TEX14: variants seen among roughly 807,000 people sequenced by gnomAD.
TEX14 encodes the protein inactive serine/threonine-protein kinase TEX14.
In TEX14, 168 loss-of-function variants were observed where a neutral mutation model predicts 178.6. The ratio of observed to expected loss-of-function variants is 0.94; its 90% CI spans 0.83 to 1.07. The LOEUF (loss-of-function observed/expected upper bound fraction) is 1.07. Ranked by LOEUF, TEX14 falls within the 50% of genes least tolerant of loss-of-function variation. TEX14 has a pLI of 0.00. For missense variants in TEX14, 1,730 were observed against 1,753.6 expected (o/e 0.99, Z 0.24); for synonymous variants, 626 against 634.1 (o/e 0.99, Z 0.19).
chr17:58,642,874 T>C (rs2046607477), intron 2 of TEX14, among the ~76,000 whole-genome samples: 3 of 152,174 alleles, frequency 2.0e-5, no homozygotes, highest in African/African-American at 7.2e-5. Flanking sequence ...ATGTCACCTC[T>C]TCTTGAAGCC....
chr17:58,655,184 T>C, intron 1 of TEX14, among the ~76,000 whole-genome samples: 1 of 151,672 alleles, frequency 6.6e-6, no homozygotes, highest in South Asian at 2.1e-4. Context: ...AGCTAATTTT[T>C]TCTTTTTTTT....
In TEX14 at chr17:58,690,996, G is replaced by A. The variant is rs3760177; in HGVS notation, c.-2+943C>T. Among the ~76,000 whole-genome samples the A allele has an allele frequency of 3.9e-4, 59 of 152,124 alleles. 1 individual carries two copies. The East Asian group carries it at 0.011, about 29-fold the overall frequency. Reference sequence around the variant, plus strand: ...AGACTTCTGAGTAGCTGGGACGACCGGTGCATGCCACCATGCCCGGCTAAT... The same window carrying A: ...AGACTTCTGAGTAGCTGGGACGACCAGTGCATGCCACCATGCCCGGCTAAT... On this transcript the variant is annotated intron_variant, in intron 1 of 31. Transcript: ENST00000349033.
Position 58,613,562 on chromosome 17 carries a change from C to T in TEX14, c.882-18G>A. The T allele has an allele frequency of 4.3e-6, 7 of 1,613,306 alleles. No homozygotes were observed. Among genetic ancestry groups the T allele is most frequent in the African/African-American group, 1.3e-5 (1 of 74,990 alleles). Reference sequence around the variant, plus strand: ...GCAGCTTGCTGCAAAAGAAAAGAAGCTTCAGATAAGGCAGGTGAGAGGAGG... The same window carrying T: ...GCAGCTTGCTGCAAAAGAAAAGAAGTTTCAGATAAGGCAGGTGAGAGGAGG... On this transcript the variant is annotated intron_variant, in intron 8 of 31. Transcript: ENST00000349033.
At chr17:58,677,970 T>C (rs915865867) in intron 1 of TEX14, among the ~76,000 whole-genome samples, 15 of 152,114 alleles carry the variant, frequency 9.9e-5, no homozygotes, top group Admixed American at 8.5e-4. Flanking sequence ...GCCAACATGG[T>C]GAAACCCCAT....
At chr17:58,677,039 A>T (rs1170444413) in intron 1 of TEX14, among the ~76,000 whole-genome samples, 1 of 150,658 alleles carries the variant, frequency 6.6e-6, no homozygotes, top group Non-Finnish European at 1.5e-5. Context: ...GAATCGCTTG[A>T]ACTCAGGAGG....
At chr17:58,561,017 C>T (rs1216022736) in intron 29 of TEX14, among the ~76,000 whole-genome samples, 1 of 152,112 alleles carries the variant, frequency 6.6e-6, no homozygotes, top group African/African-American at 2.4e-5. Context: ...TACTTCTTGC[C>T]CTCAGTAAAA....
rs538828274 is a variant in TEX14 at position 58,557,043 on chromosome 17, T to C, written c.4324A>G (p.Ile1442Val). Reference protein sequence around the residue: ...RLGWSESSRIIVLDQSDLSD With the variant: ...RLGWSESSRIVVLDQSDLSD ...GACAAGTCACTCTGATCCAGCACGA[T>C]TATCCTATGCACATGTTTTTTAAAG... The change falls in exon 32 of 32, where the codon ATC becomes GTC. Residue 1442 changes from isoleucine (I) to valine (V), a missense_variant. Coordinates refer to ENST00000349033, the MANE Select transcript of TEX14 (RefSeq NM_031272.5). The C allele has an allele frequency of 6.2e-6, 10 of 1,613,860 alleles. No homozygotes were observed. In the South Asian group the frequency reaches 9.9e-5, roughly 16 times the overall value.
Position 58,622,870 on chromosome 17 carries a change from C to T in TEX14, c.394G>A (p.Ala132Thr), listed in dbSNP as rs1162374660. ...GQNPKTWALT[A>T]GKERSTQIVE... ...ACCTGGGTGCTACGCTCCTTTCCTG[C>T]TGTCAAAGCCCAAGTCTTCGGGTTT... is the stretch of plus-strand genomic sequence containing the variant. Residue 132 changes from alanine (A) to threonine (T), a missense_variant, in exon 4 of 32, where the codon GCA (alanine) becomes ACA (threonine). By Grantham distance (58) the Ala-to-Thr change is moderately conservative. Coordinates refer to ENST00000349033, the MANE Select transcript of TEX14 (RefSeq NM_031272.5). 4 of 1,610,578 alleles carry T rather than the reference C, an allele frequency of 2.5e-6. No homozygotes were observed. Among genetic ancestry groups the T allele is most frequent in the Non-Finnish European group, 3.4e-6 (4 of 1,177,406 alleles).
chr17:58,653,325 G>A lies in TEX14; in HGVS notation c.-1-1323C>T, dbSNP rs117536955. 1.8e-3 allele frequency among the ~76,000 whole-genome samples: 270 copies of A among 152,284 alleles called. 3 individuals carry two copies. The South Asian group carries it at 0.018, about 10-fold the overall frequency. On this transcript the variant is annotated intron_variant, in intron 1 of 31. Transcript: ENST00000349033. ...CACTGTAGTTGTTAGCTGTTACTGT[G>A]CATAAGAACTATGCAGAGAAATTTT... is the stretch of plus-strand genomic sequence containing the variant.
At chr17:58,660,513 G>A (rs1388883135) in intron 1 of TEX14, 4 of 718,142 alleles carry the variant, frequency 5.6e-6, no homozygotes, top group Non-Finnish European at 1.0e-5. Flanking sequence ...GGGAGGGGAA[G>A]GCTGCATGGT....
At chr17:58,600,295 G>A (rs988510464) in intron 13 of TEX14, among the ~76,000 whole-genome samples, 3 of 152,084 alleles carry the variant, frequency 2.0e-5, no homozygotes, top group South Asian at 2.1e-4. Flanking sequence ...AGGCCAGGGC[G>A]GGTGGATCAC....
chr17:58,663,484 T>A (rs1041445375), intron 1 of TEX14, among the ~76,000 whole-genome samples: 2 of 151,566 alleles, frequency 1.3e-5, no homozygotes, highest in African/African-American at 4.8e-5. Context: ...TTTTTTTTTT[T>A]AAGACAGAGT....
chr17:58,622,859 C>T lies in TEX14; in HGVS notation c.405G>A (p.Glu135=), dbSNP rs916608663. Residue 135 remains glutamate, a synonymous_variant, in exon 4 of 32, where the codon GAG becomes GAA. Transcript: ENST00000349033. The part of the protein sequence containing the change: ...PKTWALTAGK[E]RSTQIVEFMQ... ...GACCCACCCTTACCTGGGTGCTACG[C>T]TCCTTTCCTGCTGTCAAAGCCCAAG... 1.2e-6 allele frequency: 2 copies of T among 1,609,758 alleles called. No individual in the cohort carries two copies. The highest frequency in any genetic ancestry group is 1.7e-5 in the Admixed American group (1 of 59,954).
Position 58,629,082 on chromosome 17 carries a change from C to G in TEX14, c.251+1358G>C, listed in dbSNP as rs539686518. Among the ~76,000 whole-genome samples the G allele has an allele frequency of 2.0e-5, 3 of 152,246 alleles. 1 individual carries two copies. The East Asian group carries it at 5.8e-4, about 29-fold the overall frequency. ...TTTAATGGGAACTGAAAAATATCCA[C>G]CACCCACTCTCCCTTCTCTGTCAAG... On this transcript the variant is annotated intron_variant, in intron 3 of 31. Coordinates refer to ENST00000349033, the MANE Select transcript of TEX14 (RefSeq NM_031272.5).
At position 58,617,576 on chromosome 17, in the gene TEX14, T is replaced by A. The variant is rs761639768; in HGVS notation, c.598A>T (p.Ile200Phe). Residue 200 changes from isoleucine (I) to phenylalanine (F), a missense_variant, in exon 6 of 32, where the codon ATT (isoleucine) becomes TTT (phenylalanine). By Grantham distance (21) the Ile-to-Phe change is conservative (BLOSUM62 0). Coordinates refer to ENST00000349033, the MANE Select transcript of TEX14 (RefSeq NM_031272.5). ...SPNRLLKAGV[I>F]SAQNIYSFGF... ...AAGCTGTAGATATTTTGAGCAGAAA[T>A]GACTCCAGCTTTAAGCAGTCGGTTA... is the stretch of plus-strand genomic sequence containing the variant. 40 of 1,613,808 alleles carry A rather than the reference T, an allele frequency of 2.5e-5. No homozygotes were observed. In the Middle Eastern group the frequency reaches 4.9e-4, roughly 20 times the overall value.
chr17:58,582,322 C>T (rs897128470), intron 19 of TEX14, among the ~76,000 whole-genome samples: 2 of 152,082 alleles, frequency 1.3e-5, no homozygotes, highest in African/African-American at 4.8e-5. Context: ...TGCAGAGGTG[C>T]GATCTTGGCT....
intron 19 of TEX14, among the ~76,000 whole-genome samples, chr17:58,583,505 T>C (rs185805018): frequency 3.3e-4 from 50 of 152,292 alleles, no homozygotes; most frequent in Admixed American, 3.1e-3. Flanking sequence ...CTTTAAGCGA[T>C]CCTCCAGCTT....
In TEX14 at chr17:58,623,612, G is replaced by A. The variant is rs9894313; in HGVS notation, c.252-600C>T. On this transcript the variant is annotated intron_variant, in intron 3 of 31. Coordinates refer to ENST00000349033, the MANE Select transcript of TEX14 (RefSeq NM_031272.5). The stretch of plus-strand genomic sequence containing the variant: ...GAGACATGAAGGGACAGCCTTTAAT[G>A]TGTCCAGGATATGGTGAGGATATGA... Among the ~76,000 whole-genome samples the A allele has an allele frequency of 9.0e-4, 137 of 152,240 alleles. 1 individual carries two copies. The highest frequency in any genetic ancestry group is 3.2e-3 in the African/African-American group (134 of 41,560).
intron 21 of TEX14, among the ~76,000 whole-genome samples, chr17:58,576,017 C>T (rs1685834395): frequency 6.6e-6 from 1 of 152,140 alleles, no homozygotes; most frequent in Non-Finnish European, 1.5e-5. Context: ...AACAGAGTGC[C>T]TGGCATATGC....
Sources: allele counts gnomAD v4.1 joint callset (sites outside exome capture counted in the v4.1 genomes callset), GRCh38; gene constraint gnomAD v4.1.1; transcripts MANE v1.5; gene names NCBI Gene and HGNC (gene_info 2026-07-23, HGNC 2026-07-21).